The following MDN1 variants were observed in gnomAD, a reference collection of about 807,000 sequenced individuals.
The protein encoded by MDN1 is midasin AAA ATPase 1.
Under a neutral mutation model 669.2 loss-of-function variants are expected in MDN1, and 266 were observed. The ratio of observed to expected loss-of-function variants is 0.40; its 90% CI spans 0.36 to 0.44. The LOEUF (loss-of-function observed/expected upper bound fraction) is 0.44. MDN1 is among the 20% of genes least tolerant of loss of function. MDN1 has a pLI of 1.00. For synonymous variants in MDN1, 2,385 were observed against 2,457.1 expected (o/e 0.97, Z 0.87); for missense variants, 5,940 against 6,754.0 (o/e 0.88, Z 4.22).
chr6:89,773,888 C>T (rs1818228188), intron 13 of MDN1, among the ~76,000 whole-genome samples: 1 of 151,864 alleles, frequency 6.6e-6, no homozygotes, highest in South Asian at 2.1e-4. Context: ...TCGCTTGAAC[C>T]AGGCAGCTGG....
chr6:89,706,296 G>T, intron 52 of MDN1, 104 bp from the exon 53 acceptor site: 1 of 1,217,806 alleles, frequency 8.2e-7, no homozygotes, highest in South Asian at 2.2e-5. Context: ...GTTATCCCCA[G>T]TACAAAGGTC....
intron 87 of MDN1, 95 bp from the exon 88 acceptor site, chr6:89,661,673 TGTGA>T: frequency 2.5e-6 from 3 of 1,195,976 alleles, no homozygotes; most frequent in Non-Finnish European, 2.3e-6. Flanking sequence ...GTATTTACAC[TGTGA>T]GAGAACACAA....
chr6:89,672,643 T>C lies in MDN1; in HGVS notation c.13534A>G (p.Ile4512Val). 6.2e-7 allele frequency: 1 copy of C among 1,614,182 alleles called. No homozygotes were observed. Among genetic ancestry groups the C allele is most frequent in the East Asian group, 2.2e-5 (1 of 44,870 alleles). Residue 4512 changes from isoleucine (I) to valine (V), a missense_variant, in exon 81 of 102, where the codon ATC becomes GTC. Coordinates refer to ENST00000369393, the MANE Select transcript of MDN1 (RefSeq NM_014611.3). The stretch of plus-strand genomic sequence containing the variant: ...TGGATGGCACAGAGGATGGCTCGGA[T>C]GGCAATTTCCATTTGCTCTGAAAAA... ...EDFSEQMEIA[I>V]RAILCAIQNL...
chr6:89,765,441 A>G (rs1817764783), intron 15 of MDN1, among the ~76,000 whole-genome samples: 2 of 152,224 alleles, frequency 1.3e-5, no homozygotes, highest in South Asian at 2.1e-4. Flanking sequence ...TGAACAAAAT[A>G]TATGTGTCAT....
intron 92 of MDN1, 123 bp from the exon 93 acceptor site, chr6:89,654,457 T>C (rs1809106047): frequency 8.0e-7 from 1 of 1,242,548 alleles, no homozygotes; most frequent in Admixed American, 2.0e-5. Context: ...GTTGTGCCAC[T>C]GACCAGCTAT....
chr6:89,777,805 C>T (rs1429458422), intron 11 of MDN1, among the ~76,000 whole-genome samples: 1 of 152,154 alleles, frequency 6.6e-6, no homozygotes, highest in African/African-American at 2.4e-5. Context: ...TTCCACATCC[C>T]TATGAGTTCA....
Position 89,774,611 on chromosome 6 carries a change from C to A in MDN1, c.1934+10G>T, listed in dbSNP as rs1170416577. The stretch of plus-strand genomic sequence containing the variant: ...CCACAGTTGGCAGCTTAGTTTAGAG[C>A]CCTACTTACCTCTGTAGGTGAACAG... On this transcript the variant is annotated intron_variant, in intron 13 of 101. Transcript: ENST00000369393. 9 of 1,600,878 alleles carry A rather than the reference C, an allele frequency of 5.6e-6. No individual in the cohort carries two copies. Among genetic ancestry groups the A allele is most frequent in the African/African-American group, 1.3e-5 (1 of 74,618 alleles).
chr6:89,797,154 A>C (rs1819651126), intron 2 of MDN1, among the ~76,000 whole-genome samples: 1 of 151,942 alleles, frequency 6.6e-6, no homozygotes, highest in Non-Finnish European at 1.5e-5. Flanking sequence ...GGTGGATCAC[A>C]AGGTCAAGAG....
intron 82 of MDN1, 110 bp downstream of exon 82, chr6:89,672,090 G>T: frequency 2.7e-6 from 3 of 1,097,876 alleles, no homozygotes; most frequent in Non-Finnish European, 3.7e-6. Context: ...TAGTGATTTT[G>T]GCACTGAGGC....
intron 40 of MDN1, 58 bp downstream of exon 40, chr6:89,722,897 C>A: frequency 6.7e-7 from 1 of 1,482,938 alleles, no homozygotes; most frequent in Non-Finnish European, 9.2e-7. Context: ...TCCTTTCTCA[C>A]CCACAGGAAA....
intron 31 of MDN1, among the ~76,000 whole-genome samples, chr6:89,741,805 C>G (rs1051788612): frequency 3.3e-5 from 5 of 152,138 alleles, no homozygotes; most frequent in African/African-American, 1.2e-4. Flanking sequence ...CTCTAGGCCT[C>G]TGACCCTAGC....
Position 89,744,645 on chromosome 6 carries a change from C to T in MDN1, c.4178+628G>A, listed in dbSNP as rs1031336277. ...CTCGAACTCCTGAGCTCAAGTGATC[C>T]GCCTGCCTCAGCCTCCCAAAGTTCT... On this transcript the variant is annotated intron_variant, in intron 29 of 101. Transcript: ENST00000369393. Among the ~76,000 whole-genome samples the T allele has an allele frequency of 8.6e-5, 13 of 152,010 alleles. 1 individual carries two copies. The highest frequency in any genetic ancestry group is 1.9e-4 in the Non-Finnish European group (13 of 67,972).
At chr6:89,700,933 A>G (rs1813114939) in intron 55 of MDN1, 77 bp from the exon 56 acceptor site, 2 of 1,174,664 alleles carry the variant, frequency 1.7e-6, no homozygotes, top group Admixed American at 2.5e-5. Context: ...CAGGTCTCAG[A>G]ATAAATTTAT....
chr6:89,743,767 A>G (rs538630684), intron 29 of MDN1, 53 bp from the exon 30 acceptor site: 1 of 1,479,216 alleles, frequency 6.8e-7, no homozygotes, highest in Admixed American at 2.2e-5. Context: ...ATACACATCC[A>G]TAAACACCCC....
chr6:89,809,147 G>C (rs1333628226), intron 1 of MDN1, among the ~76,000 whole-genome samples: 2 of 148,434 alleles, frequency 1.3e-5, no homozygotes, highest in African/African-American at 5.0e-5. Flanking sequence ...AGCCCGGAAG[G>C]TTGAGGGTGC....
intron 35 of MDN1, 115 bp from the exon 36 acceptor site, chr6:89,729,254 T>G: frequency 1.3e-6 from 1 of 771,204 alleles, no homozygotes; most frequent in Non-Finnish European, 2.0e-6. Flanking sequence ...TGAAATACCA[T>G]TTGCAGTGAA....
chr6:89,725,738 T>TTC (rs1815176950), intron 37 of MDN1, among the ~76,000 whole-genome samples: 1 of 72,532 alleles, frequency 1.4e-5, no homozygotes, highest in Non-Finnish European at 2.7e-5. Context: ...ATCCAGCTAA[T>TTC]TCTTTTTTTT....
At chr6:89,791,875 A>ATTAT (rs1819285876) in intron 5 of MDN1, among the ~76,000 whole-genome samples, 3 of 114,072 alleles carry the variant, frequency 2.6e-5, no homozygotes, top group Admixed American at 1.0e-4. Context: ...AAAACTTTTA[A>ATTAT]TTTTTTTTTT....
intron 15 of MDN1, among the ~76,000 whole-genome samples, chr6:89,769,659 A>G (rs1817982672): frequency 6.6e-6 from 1 of 152,244 alleles, no homozygotes; most frequent in Non-Finnish European, 1.5e-5. Context: ...CTGACCTACT[A>G]ACAAGGAAAA....
Sources: gnomAD v4.1 joint callset for allele counts (sites outside exome capture counted in the v4.1 genomes callset) on GRCh38, gnomAD v4.1.1 for gene constraint, MANE v1.5 for transcripts, NCBI Gene and HGNC (gene_info 2026-07-23, HGNC 2026-07-21) for gene names.